The following FRS2 variants were observed in gnomAD, a reference collection of about 807,000 sequenced individuals.
FRS2 encodes the protein fibroblast growth factor receptor substrate 2.
Under a neutral mutation model 43.9 loss-of-function variants are expected in FRS2, and 8 were observed. That is an observed-to-expected ratio of 0.18 (90% CI 0.11 to 0.33). The LOEUF is 0.33. Among genes scored for constraint, FRS2 ranks in the 10% least tolerant of loss-of-function variants. The probability of loss-of-function intolerance (pLI) is 1.00; values close to 1 mark genes in which losing one functional copy is unlikely to be tolerated. For synonymous variants in FRS2, 219 were observed against 220.3 expected, an observed-to-expected ratio of 0.99 and a Z score of 0.05; for missense variants, 534 against 627.6, an observed-to-expected ratio of 0.85 and a Z score of 1.59.
intron 3 of FRS2, among the ~76,000 whole-genome samples, chr12:69,539,852 G>T (rs906366621): frequency 2.0e-5 from 3 of 152,174 alleles, no homozygotes. Flanking sequence ...CTACTCGGGA[G>T]GCTCAGGGAG....
intron 3 of FRS2, chr12:69,557,777 A>G (rs1473946736): frequency 2.0e-5 from 3 of 152,168 alleles, no homozygotes; most frequent in Non-Finnish European, 4.4e-5. Flanking sequence ...TCTAAATTTC[A>G]TCACCAGTGT....
chr12:69,556,013 G>GT (rs982486460), intron 3 of FRS2, among the ~76,000 whole-genome samples: 6 of 151,298 alleles, frequency 4.0e-5, no homozygotes, highest in Admixed American at 6.6e-5. Flanking sequence ...TGTGGCGGGG[G>GT]GGGGGGCGGT....
At chr12:69,519,963 T>C (rs959605460) in intron 1 of FRS2, among the ~76,000 whole-genome samples, 20 of 152,244 alleles carry the variant, frequency 1.3e-4, no homozygotes, top group Admixed American at 6.5e-5. Context: ...GTTCTGTTTT[T>C]AGCTCTTTGA....
intron 1 of FRS2, among the ~76,000 whole-genome samples, chr12:69,485,111 A>ACGCG (rs973178570): frequency 0.037 from 5,387 of 147,040 alleles, 337 homozygotes; most frequent in East Asian, 0.24. Context: ...ACACACACAC[A>ACGCG]CACACACACA....
At chr12:69,550,273 A>G (rs1360080403) in intron 3 of FRS2, among the ~76,000 whole-genome samples, 3 of 152,246 alleles carry the variant, frequency 2.0e-5, no homozygotes, top group African/African-American at 4.8e-5. Flanking sequence ...GCACTTAAGT[A>G]TCACTCTAAT....
intron 1 of FRS2, among the ~76,000 whole-genome samples, chr12:69,516,511 C>T: frequency 6.6e-6 from 1 of 152,140 alleles, no homozygotes; most frequent in East Asian, 1.9e-4. Flanking sequence ...AGCCACTGCG[C>T]CCGGCCAAAA....
chr12:69,515,853 T>C (rs1335701840), intron 1 of FRS2, among the ~76,000 whole-genome samples: 1 of 151,858 alleles, frequency 6.6e-6, no homozygotes, highest in Non-Finnish European at 1.5e-5. Context: ...TTACATTTTA[T>C]ATTGGTTTAT....
intron 1 of FRS2, among the ~76,000 whole-genome samples, chr12:69,510,341 A>G (rs1005423369): frequency 5.3e-5 from 8 of 152,142 alleles, no homozygotes; most frequent in East Asian, 1.9e-4. Context: ...GAATAATTCT[A>G]TTTTATTCTG....
chr12:69,525,669 C>T (rs566526949), intron 1 of FRS2, among the ~76,000 whole-genome samples: 1 of 151,570 alleles, frequency 6.6e-6, no homozygotes, highest in South Asian at 2.1e-4. Context: ...TTTCCTTCAT[C>T]TTTATTAACC....
At chr12:69,512,905 A>G (rs1354964211) in intron 1 of FRS2, among the ~76,000 whole-genome samples, 1 of 152,208 alleles carries the variant, frequency 6.6e-6, no homozygotes, top group Non-Finnish European at 1.5e-5. Context: ...TTTTAAATTC[A>G]GGAATCATGC....
At position 69,552,302 on chromosome 12, in the gene FRS2, CAAAAAAAAAAA is replaced by C. The variant is rs35353764; in HGVS notation, c.-121-9863_-121-9853del. Reference sequence around the variant, plus strand: ...GGGCAACAAGAGCGAAACTCCGTCTCAAAAAAAAAAAAAAAAAAAAAAAAATCATGTCTCAG... The same window carrying C: ...GGGCAACAAGAGCGAAACTCCGTCTCAAAAAAAAAAAAAATCATGTCTCAG... On this transcript the variant is annotated intron_variant, in intron 3 of 8. Coordinates refer to ENST00000549921, the MANE Select transcript of FRS2 (RefSeq NM_001278356.2). Among the ~76,000 whole-genome samples, 165 of 51,392 alleles carry C rather than the reference CAAAAAAAAAAA, an allele frequency of 3.2e-3. 1 individual carries two copies. Among genetic ancestry groups the C allele is most frequent in the African/African-American group, 0.013 (148 of 11,740 alleles). The allele number at this position is 51,392 out of a possible 152,430, so 33.7% of individuals were successfully genotyped here. A position where few individuals can be genotyped will look rare whatever the true frequency, so the allele number is the denominator to read the frequency against.
At chr12:69,534,723 A>G (rs961552655) in intron 3 of FRS2, among the ~76,000 whole-genome samples, 2 of 152,192 alleles carry the variant, frequency 1.3e-5, no homozygotes, top group Non-Finnish European at 2.9e-5. Context: ...TGTAGAAACT[A>G]CAAGTCTGAG....
intron 3 of FRS2, among the ~76,000 whole-genome samples, chr12:69,558,974 C>A (rs1373786941): frequency 2.0e-5 from 3 of 152,040 alleles, no homozygotes; most frequent in African/African-American, 4.8e-5. Context: ...TACTAAGTAA[C>A]CTTTTGTTAG....
intron 4 of FRS2, among the ~76,000 whole-genome samples, chr12:69,564,927 T>G (rs898095840): frequency 2.0e-5 from 3 of 152,236 alleles, no homozygotes; most frequent in African/African-American, 7.2e-5. Context: ...TGTATTGAAC[T>G]CAAACATTCA....
intron 1 of FRS2, among the ~76,000 whole-genome samples, chr12:69,504,777 A>C (rs529704653): frequency 6.6e-6 from 1 of 152,314 alleles, no homozygotes; most frequent in South Asian, 2.1e-4. Context: ...TAAATGGACA[A>C]CTATTTCCAG....
At chr12:69,546,115 A>G (rs969186190) in intron 3 of FRS2, among the ~76,000 whole-genome samples, 3 of 152,224 alleles carry the variant, frequency 2.0e-5, no homozygotes, top group African/African-American at 7.2e-5. Flanking sequence ...TAATTTAAAA[A>G]TGGGCCAAGG....
chr12:69,567,547 A>G (rs191583717), intron 4 of FRS2, among the ~76,000 whole-genome samples: 45 of 152,248 alleles, frequency 3.0e-4, no homozygotes, highest in African/African-American at 8.4e-4. Context: ...AGACAGATAA[A>G]CAGATACCTG....
rs1337851006 is a variant in FRS2, at chr12:69,530,845, T to C, written c.-260-20T>C. ...ATATATTCAAGAGTAACATTCTTAA[T>C]AACTTAACCTATATTTCAGAAATGA... On this transcript the variant is annotated intron_variant, in intron 1 of 8. Transcript: ENST00000549921. 2 of 152,630 alleles carry C rather than the reference T, an allele frequency of 1.3e-5. No individual in the cohort carries two copies. Among genetic ancestry groups the C allele is most frequent in the African/African-American group, 4.8e-5 (2 of 41,442 alleles). The allele number at this position is 152,630 out of a possible 1,614,324, so 9.5% of individuals were successfully genotyped here. A position where few individuals can be genotyped will look rare whatever the true frequency, so the allele number is the denominator to read the frequency against.
At chr12:69,505,629 T>A (rs370784433) in intron 1 of FRS2, among the ~76,000 whole-genome samples, 2 of 152,172 alleles carry the variant, frequency 1.3e-5, no homozygotes, top group South Asian at 2.1e-4. Context: ...AACTCGACAT[T>A]TTGAGGACAG....
Sources: gnomAD v4.1 joint callset for allele counts (sites outside exome capture counted in the v4.1 genomes callset) on GRCh38, gnomAD v4.1.1 for gene constraint, MANE v1.5 for transcripts, NCBI Gene and HGNC (gene_info 2026-07-23, HGNC 2026-07-21) for gene names.